Variants in PLCB3 observed in about 807,000 individuals in gnomAD.
The protein encoded by PLCB3 is 1-phosphatidylinositol 4,5-bisphosphate phosphodiesterase beta-3.
PLCB3 carries 54 observed loss-of-function variants against 152.1 expected under a neutral mutation model. That is an observed-to-expected ratio of 0.36 (90% confidence interval 0.29 to 0.45). The LOEUF is 0.45. Among genes scored for constraint, PLCB3 ranks in the 20% least tolerant of loss-of-function variants. The pLI is 1.00. For missense variants in PLCB3, 1,248 were observed against 1,687.5 expected (o/e 0.74, Z 4.56); for synonymous variants, 717 against 698.7 (o/e 1.03, Z -0.41).
intron 12 of PLCB3, 29 bp from the exon 13 acceptor site, chr11:64,259,029 A>G (rs2031694456): frequency 6.2e-7 from 1 of 1,612,258 alleles, no homozygotes; most frequent in Non-Finnish European, 8.5e-7. Context: ...GACCCGGTCC[A>G]GGGCCCTGAC....
rs2135043520 is a variant in PLCB3, at chr11:64,255,867, G to A, written c.698+46G>A. On this transcript the variant is annotated intron_variant, in intron 8 of 30. Coordinates refer to ENST00000279230, the MANE Select transcript of PLCB3 (RefSeq NM_000932.5). The surrounding 1 kb of genome is among the most constrained non-coding windows in gnomAD (Gnocchi z 6.8). The stretch of plus-strand genomic sequence containing the variant: ...TCACAACCCCTGTGCTCTGTGTTTA[G>A]CTTCTGCTTAGCGTGCCTCTAGCTC... 2 of 1,399,724 alleles carry A rather than the reference G, an allele frequency of 1.4e-6. No individual in the cohort carries two copies. Among genetic ancestry groups the A allele is most frequent in the East Asian group, 4.6e-5 (2 of 43,834 alleles). The allele number at this position is 1,399,724 out of a possible 1,614,324, so 86.7% of individuals were successfully genotyped here. A position where few individuals can be genotyped will look rare whatever the true frequency, so the allele number is the denominator to read the frequency against.
At position 64,251,644 on chromosome 11, in the gene PLCB3, C is replaced by T. The variant is rs192205610; in HGVS notation, c.-6C>T. The T allele has an allele frequency of 2.9e-4, 425 of 1,447,752 alleles. 12 individuals carry two copies. In the East Asian group the frequency reaches 5.8e-3, roughly 20 times the overall value. The allele number at this position is 1,447,752 out of a possible 1,614,324, so 89.7% of individuals were successfully genotyped here. On this transcript the variant is annotated 5_prime_UTR_variant, in exon 1 of 31. Transcript: ENST00000279230. The stretch of plus-strand genomic sequence containing the variant: ...CGTGGGTCCCCGACCCGCCCCTGGC[C>T]GGGCCATGGCGGGCGCCCAGCCCGG...
At position 64,258,594 on chromosome 11, in the gene PLCB3, C is replaced by T; in HGVS notation, c.1134C>T (p.Thr378=). 6.2e-7 allele frequency: 1 copy of T among 1,614,090 alleles called. No homozygotes were observed. Among genetic ancestry groups the T allele is most frequent in the Non-Finnish European group, 8.5e-7 (1 of 1,180,028 alleles). Residue 378 remains threonine (T), a synonymous_variant, in exon 11 of 31, where the codon ACC becomes ACT. Transcript: ENST00000279230. The surrounding 1 kb of genome is among the most constrained non-coding windows in gnomAD (Gnocchi z 7.2). ...CGCCTGAGGAGGAACCCTTCATTAC[C>T]CACGGCTTCACCATGACCACAGAGG... ...GRPPEEEPFI[T]HGFTMTTEVP... is the part of the protein sequence containing the mutation.
At chr11:64,268,924 G>A (rs950020778), downstream of PLCB3, 6 of 152,346 alleles carry the variant, frequency 3.9e-5, no homozygotes, top group African/African-American at 1.4e-4. Flanking sequence ...TCCTCCCTCA[G>A]GGTCAATGCA....
rs769612453 is a variant in PLCB3 at position 64,262,624 on chromosome 11, C to T, written c.2194-23C>T. On this transcript the variant is annotated intron_variant, in intron 18 of 30. Coordinates refer to ENST00000279230, the MANE Select transcript of PLCB3 (RefSeq NM_000932.5). ...GGGGCAGGACTCTCAGCATCCGCCT[C>T]ACCCTCCTTGGCCCACCCCCAGGTG... is the stretch of plus-strand genomic sequence containing the variant. The T allele has an allele frequency of 5.6e-6, 9 of 1,613,048 alleles. No homozygotes were observed. The Admixed American group carries it at 6.7e-5, about 12-fold the overall frequency.
rs1009243234 is a variant in PLCB3 at position 64,258,380 on chromosome 11, T to C, written c.1013-93T>C. 9.8e-6 allele frequency: 14 copies of C among 1,429,886 alleles called. No homozygotes were observed. The African/African-American group carries it at 1.7e-4, about 17-fold the overall frequency. 88.6% of individuals were successfully genotyped at this position (1,429,886 alleles called of 1,614,324 possible). On this transcript the variant is annotated intron_variant, in intron 10 of 30. Transcript: ENST00000279230. This position sits in a 1 kb window ranked among gnomAD's most constrained non-coding sequence, Gnocchi z 7.2. The stretch of plus-strand genomic sequence containing the variant: ...TCCATCTGAGAGATGGAGAGCCCTC[T>C]GCAAATCCAGCATGTCCTGGTTCCA...
Position 64,261,606 on chromosome 11 carries a change from G to T in PLCB3, c.1854G>T (p.Ser618=). Residue 618 remains serine, a synonymous_variant, in exon 16 of 31, where the codon TCG becomes TCT. Coordinates refer to ENST00000279230, the MANE Select transcript of PLCB3 (RefSeq NM_000932.5). The part of the protein sequence containing the change: ...ARKRNKCFEM[S]SFVETKAMEQ... Reference sequence around the variant, plus strand: ...AGAGGAACAAATGCTTCGAGATGTCGTCCTTTGTGGAGACCAAGGCCATGG... The same window carrying T: ...AGAGGAACAAATGCTTCGAGATGTCTTCCTTTGTGGAGACCAAGGCCATGG... The T allele has an allele frequency of 6.2e-7, 1 of 1,614,128 alleles. No homozygotes were observed. Among genetic ancestry groups the T allele is most frequent in the Non-Finnish European group, 8.5e-7 (1 of 1,180,000 alleles).
rs2032116117 is a variant in PLCB3 at position 64,266,258 on chromosome 11, G to A, written c.3266+56G>A. 5 of 1,613,768 alleles carry A rather than the reference G, an allele frequency of 3.1e-6. No homozygotes were observed. Among genetic ancestry groups the A allele is most frequent in the Non-Finnish European group, 4.2e-6 (5 of 1,179,866 alleles). On this transcript the variant is annotated intron_variant, in intron 27 of 30. Transcript: ENST00000279230. The surrounding 1 kb of genome is among the most constrained non-coding windows in gnomAD (Gnocchi z 4.9). ...CTGGGGACTTCTAGTACCAGAAGGA[G>A]GGCAGAGTCTGTGCTTCTGCCGCTG...
At position 64,267,474 on chromosome 11, in the gene PLCB3, C is replaced by A. The variant is rs1179321174; in HGVS notation, c.3623C>A (p.Ala1208Asp). ...GLGDGPLVACASNGHAPGSSG... is the reference protein window; with the variant it reads ...GLGDGPLVACDSNGHAPGSSG... Reference sequence around the variant, plus strand: ...GGGGACGGGCCTCTGGTGGCCTGTGCCAGCAACGGTCACGCACCCGGGAGC... The same window carrying A: ...GGGGACGGGCCTCTGGTGGCCTGTGACAGCAACGGTCACGCACCCGGGAGC... Residue 1208 changes from alanine (A) to aspartate (D), a missense_variant, in exon 31 of 31, where the codon GCC becomes GAC. This residue lies in a region of PLCB3 where 477 missense variants were observed against 489.6 expected (regional missense o/e 0.97). Transcript: ENST00000279230. The surrounding 1 kb of genome is among the most constrained non-coding windows in gnomAD (Gnocchi z 5.2). 8 of 1,563,896 alleles carry A rather than the reference C, an allele frequency of 5.1e-6. No homozygotes were observed. The highest frequency in any genetic ancestry group is 6.0e-6 in the Non-Finnish European group (7 of 1,158,772).
chr11:64,265,510 T>C lies in PLCB3; in HGVS notation c.3035+8T>C. 1 of 1,592,270 alleles carries C rather than the reference T, an allele frequency of 6.3e-7. No homozygotes were observed. Among genetic ancestry groups the C allele is most frequent in the Non-Finnish European group, 8.5e-7 (1 of 1,174,356 alleles). On this transcript the variant is annotated splice_region_variant and intron_variant, in intron 25 of 30. Coordinates refer to ENST00000279230, the MANE Select transcript of PLCB3 (RefSeq NM_000932.5). ...GCTGCGGCCAGGTGCCCTGTGAGTGTCTGGGCCGCCTGTGTGCTATGTGTG... is the reference window on the plus strand; with the variant it reads ...GCTGCGGCCAGGTGCCCTGTGAGTGCCTGGGCCGCCTGTGTGCTATGTGTG...
In PLCB3 at chr11:64,255,639, C is replaced by T. The variant is rs968869524; in HGVS notation, c.597+23C>T. On this transcript the variant is annotated intron_variant, in intron 7 of 30. Coordinates refer to ENST00000279230, the MANE Select transcript of PLCB3 (RefSeq NM_000932.5). This position sits in a 1 kb window ranked among gnomAD's most constrained non-coding sequence, Gnocchi z 6.8. ...CGGGTGTGTGGGGTGGGGACAGGGG[C>T]GGGGTGGGGTGTCACGGTGGGCACC... 1.5e-5 allele frequency: 10 copies of T among 645,540 alleles called. No individual in the cohort carries two copies. The highest frequency in any genetic ancestry group is 2.7e-5 in the Non-Finnish European group (10 of 370,760). The allele number at this position is 645,540 out of a possible 1,614,324, so 40.0% of individuals were successfully genotyped here. A position where few individuals can be genotyped will look rare whatever the true frequency, so the allele number is the denominator to read the frequency against.
Position 64,258,805 on chromosome 11 carries a change from G to C in PLCB3, c.1254-80G>C. ...ACTGCTCAGGGACCTCCAACCCTGCGAACGGCCACTGACATGTCCCGTAGA... is the reference window on the plus strand; with the variant it reads ...ACTGCTCAGGGACCTCCAACCCTGCCAACGGCCACTGACATGTCCCGTAGA... On this transcript the variant is annotated intron_variant, in intron 11 of 30. Coordinates refer to ENST00000279230, the MANE Select transcript of PLCB3 (RefSeq NM_000932.5). The surrounding 1 kb of genome is among the most constrained non-coding windows in gnomAD (Gnocchi z 7.2). The C allele has an allele frequency of 5.0e-6, 8 of 1,602,844 alleles. No homozygotes were observed. The highest frequency in any genetic ancestry group is 6.8e-6 in the Non-Finnish European group (8 of 1,170,618).
chr11:64,266,366 C>G lies in PLCB3; in HGVS notation c.3318C>G (p.Ile1106Met), dbSNP rs779793894. 6.2e-7 allele frequency: 1 copy of G among 1,612,712 alleles called. No individual in the cohort carries two copies. The highest frequency in any genetic ancestry group is 8.5e-7 in the Non-Finnish European group (1 of 1,179,124). Residue 1106 changes from isoleucine (I) to methionine (M), a missense_variant, in exon 28 of 31, where the codon ATC (isoleucine) becomes ATG (methionine). By Grantham distance (10) the Ile-to-Met change is conservative. This residue lies in a region of PLCB3 where 477 missense variants were observed against 489.6 expected (regional missense o/e 0.97). Coordinates refer to ENST00000279230, the MANE Select transcript of PLCB3 (RefSeq NM_000932.5). The surrounding 1 kb of genome is among the most constrained non-coding windows in gnomAD (Gnocchi z 4.9). Reference protein sequence around the residue: ...KILDRKRHNSISEAKMRDKHK... With the variant: ...KILDRKRHNSMSEAKMRDKHK... The stretch of plus-strand genomic sequence containing the variant: ...TGGACAGAAAGCGCCATAACAGCAT[C>G]TCGGAGGCCAAGATGAGGGACAAGC...
Position 64,262,395 on chromosome 11 carries a change from G to T in PLCB3, c.2039-12G>T. On this transcript the variant is annotated splice_polypyrimidine_tract_variant and intron_variant, in intron 17 of 30. Coordinates refer to ENST00000279230, the MANE Select transcript of PLCB3 (RefSeq NM_000932.5). ...ATCCCTGCCCCTGCTCGACGTGCCC[G>T]TGGCACCCCAGATGTGGCGATGCAG... 2 of 1,608,740 alleles carry T rather than the reference G, an allele frequency of 1.2e-6. No individual in the cohort carries two copies.
Position 64,255,369 on chromosome 11 carries a change from G to A in PLCB3, c.468-27G>A, listed in dbSNP as rs753636079. The A allele has an allele frequency of 8.1e-6, 13 of 1,614,022 alleles. No individual in the cohort carries two copies. Among genetic ancestry groups the A allele is most frequent in the East Asian group, 4.5e-5 (2 of 44,880 alleles). On this transcript the variant is annotated intron_variant, in intron 5 of 30. Coordinates refer to ENST00000279230, the MANE Select transcript of PLCB3 (RefSeq NM_000932.5). The surrounding 1 kb of genome is among the most constrained non-coding windows in gnomAD (Gnocchi z 6.8). ...GGGGGTTCACGTGGCCGTTTTCAGG[G>A]TGTGACCTCTTCATCTGCCTTCCCA...
chr11:64,265,700 G>T (rs1051679730), intron 25 of PLCB3, among the ~76,000 whole-genome samples, 186 bp from the exon 26 acceptor site: 2 of 152,174 alleles, frequency 1.3e-5, no homozygotes, highest in Non-Finnish European at 2.9e-5. Context: ...AGTCCATGAG[G>T]AGCATGTTGC....
At chr11:64,265,146 C>A in intron 23 of PLCB3, 42 bp downstream of exon 23, 5 of 1,546,680 alleles carry the variant, frequency 3.2e-6, no homozygotes, top group Non-Finnish European at 4.4e-6. Context: ...CAGGGAGGCA[C>A]CCCCCACCCT....
rs1448789256 is a variant in PLCB3, at chr11:64,262,053, T to C, written c.2015T>C (p.Val672Ala). The change falls in exon 17 of 31, where the codon GTT becomes GCT. Residue 672 changes from valine (V) to alanine (A), a missense_variant. By Grantham distance (64) the Val-to-Ala change is moderately conservative. Coordinates refer to ENST00000279230, the MANE Select transcript of PLCB3 (RefSeq NM_000932.5). ...TTCTGGAACGTAGGGTGCCAGCTTG[T>C]TGCGCTCAACTTCCAGACCCTCGGT... ...QLFWNVGCQL[V>A]ALNFQTLDVA... 1.2e-6 allele frequency: 2 copies of C among 1,614,140 alleles called. No individual in the cohort carries two copies.
chr11:64,251,661 C>G lies in PLCB3; in HGVS notation c.12C>G (p.Ala4=). ...CCCCTGGCCGGGCCATGGCGGGCGC[C>G]CAGCCCGGCGTCCACGCGCTGCAGT... MAG[A]QPGVHALQLE... is the part of the protein sequence containing the mutation. The change falls in exon 1 of 31, where the codon GCC becomes GCG. Residue 4 remains alanine (A), a synonymous_variant. Coordinates refer to ENST00000279230, the MANE Select transcript of PLCB3 (RefSeq NM_000932.5). 1 of 1,470,698 alleles carries G rather than the reference C, an allele frequency of 6.8e-7. No individual in the cohort carries two copies. The allele number at this position is 1,470,698 out of a possible 1,614,324, so 91.1% of individuals were successfully genotyped here.
Sources: gnomAD v4.1 joint callset for allele counts (sites outside exome capture counted in the v4.1 genomes callset) on GRCh38, gnomAD v4.1.1 for gene constraint, gnomAD v4.1.1 regional missense constraint, Gnocchi (gnomAD v3.1) non-coding constraint, MANE v1.5 for transcripts, NCBI Gene and HGNC (gene_info 2026-07-23, HGNC 2026-07-21) for gene names.